MAP2K6: variants seen among roughly 807,000 people sequenced by gnomAD.
MAP2K6 encodes dual specificity mitogen-activated protein kinase kinase 6.
A neutral mutation model predicts 53.7 loss-of-function variants in MAP2K6; 16 were observed. That is an observed-to-expected ratio of 0.30 (90% CI 0.20 to 0.45). MAP2K6 has a LOEUF of 0.45. Among genes scored for constraint, MAP2K6 ranks in the 20% least tolerant of loss-of-function variants. MAP2K6 has a pLI of 1.00. For synonymous variants in MAP2K6, 132 were observed against 143.1 expected (o/e 0.92, Z 0.55); for missense variants, 204 against 411.9 (o/e 0.50, Z 4.37).
Position 69,551,724 on chromosome 17 carries a change from G to T in MAP2K6, c.*9971G>T, listed in dbSNP as rs1912107812. Reference sequence around the variant, plus strand: ...GATTTTCTATATGAACTGAAATGATGTTTTAATAGAATAATAGGTATTTTT... The same window carrying T: ...GATTTTCTATATGAACTGAAATGATTTTTTAATAGAATAATAGGTATTTTT... On this transcript the variant is annotated 3_prime_UTR_variant, in exon 12 of 12. Coordinates refer to ENST00000590474, the MANE Select transcript of MAP2K6 (RefSeq NM_002758.4). 1 of 152,078 alleles carries T rather than the reference G, an allele frequency of 6.6e-6. No homozygotes were observed. Among genetic ancestry groups the T allele is most frequent in the Non-Finnish European group, 1.5e-5 (1 of 68,002 alleles). 9.4% of individuals were successfully genotyped at this position (152,078 alleles called of 1,614,324 possible).
chr17:69,456,939 C>T (rs1341088352), intron 1 of MAP2K6, among the ~76,000 whole-genome samples: 1 of 152,206 alleles, frequency 6.6e-6, no homozygotes, highest in Non-Finnish European at 1.5e-5. Context: ...TGATAAATGC[C>T]AGCTTCTTAG....
intron 9 of MAP2K6, among the ~76,000 whole-genome samples, chr17:69,525,257 C>T (rs1340135243): frequency 2.6e-5 from 4 of 152,128 alleles, no homozygotes; most frequent in African/African-American, 9.7e-5. Context: ...TTCCTATCCT[C>T]CTCTGTAAAA....
At chr17:69,510,659 G>C (rs1468167844) in intron 2 of MAP2K6, among the ~76,000 whole-genome samples, 9 of 151,916 alleles carry the variant, frequency 5.9e-5, no homozygotes, top group Non-Finnish European at 1.3e-4. Context: ...CAGATTATCT[G>C]TTTCATCATG....
chr17:69,495,985 T>C (rs1394282149), intron 1 of MAP2K6, among the ~76,000 whole-genome samples: 1 of 152,060 alleles, frequency 6.6e-6, no homozygotes, highest in East Asian at 1.9e-4. Context: ...GCCTAGAACA[T>C]AACTCAGGGC....
At chr17:69,487,672 C>A (rs967133660) in intron 1 of MAP2K6, among the ~76,000 whole-genome samples, 2 of 152,150 alleles carry the variant, frequency 1.3e-5, no homozygotes, top group African/African-American at 4.8e-5. Flanking sequence ...TTGGTCCTTT[C>A]CCACTAGGTC....
rs1905846102 is a variant in MAP2K6, at chr17:69,414,766, C to G, written c.-219C>G. 1.9e-6 allele frequency: 1 copy of G among 528,536 alleles called. No individual in the cohort carries two copies. Among genetic ancestry groups the G allele is most frequent in the Admixed American group, 3.5e-5 (1 of 28,394 alleles). The allele number at this position is 528,536 out of a possible 1,614,324, so 32.7% of individuals were successfully genotyped here. ...GTAGCTGCAGCACAGCCTTCCCTAA[C>G]GTTGCAACTGGGGGAAAAATCACTT... On this transcript the variant is annotated 5_prime_UTR_variant, in exon 1 of 12. Transcript: ENST00000590474.
chr17:69,536,707 T>C (rs965016184), intron 11 of MAP2K6, among the ~76,000 whole-genome samples: 4 of 152,232 alleles, frequency 2.6e-5, no homozygotes, highest in South Asian at 2.1e-4. Flanking sequence ...TATCACTTGC[T>C]GTGTCTATAA....
chr17:69,459,743 A>G (rs1907551173), intron 1 of MAP2K6, among the ~76,000 whole-genome samples: 3 of 151,538 alleles, frequency 2.0e-5, no homozygotes, highest in South Asian at 4.2e-4. Flanking sequence ...AAAGAGGAAA[A>G]AAAGAAATAC....
chr17:69,418,104 G>A (rs1598250750), intron 1 of MAP2K6, among the ~76,000 whole-genome samples: 1 of 152,242 alleles, frequency 6.6e-6, no homozygotes, highest in South Asian at 2.1e-4. Flanking sequence ...CCTTTGTTAG[G>A]TTGTACCAGA....
chr17:69,506,200 A>T (rs1792633552), intron 2 of MAP2K6, among the ~76,000 whole-genome samples: 1 of 152,188 alleles, frequency 6.6e-6, no homozygotes, highest in South Asian at 2.1e-4. Context: ...ACTACTATAA[A>T]ACTTGGGTTG....
At chr17:69,418,178 A>T (rs1259729325) in intron 1 of MAP2K6, among the ~76,000 whole-genome samples, 1 of 152,194 alleles carries the variant, frequency 6.6e-6, no homozygotes, top group Non-Finnish European at 1.5e-5. Context: ...ACATCTCAGG[A>T]CACAAAATCA....
intron 1 of MAP2K6, among the ~76,000 whole-genome samples, chr17:69,482,512 A>ATT (rs533571443): frequency 1.6e-4 from 24 of 145,674 alleles, no homozygotes; most frequent in African/African-American, 5.8e-4. Context: ...CCATTTGTGT[A>ATT]TTTTTTTTTT....
intron 1 of MAP2K6, among the ~76,000 whole-genome samples, chr17:69,484,021 C>G (rs1260404379): frequency 6.6e-6 from 1 of 151,982 alleles, no homozygotes; most frequent in Non-Finnish European, 1.5e-5. Flanking sequence ...TTGTCATAAC[C>G]TTGGATTTGT....
At chr17:69,481,858 G>A (rs1195428223) in intron 1 of MAP2K6, among the ~76,000 whole-genome samples, 1 of 152,128 alleles carries the variant, frequency 6.6e-6, no homozygotes, top group Non-Finnish European at 1.5e-5. Context: ...CATAAATTTT[G>A]TGGGAATACA....
At position 69,521,806 on chromosome 17, in the gene MAP2K6, C is replaced by CAAAAA. The variant is rs71293537; in HGVS notation, c.535+729_535+733dup. On this transcript the variant is annotated intron_variant, in intron 7 of 11. Transcript: ENST00000590474. The stretch of plus-strand genomic sequence containing the variant: ...CTTATAGGGAAGTAAGATAAATGTA[C>CAAAAA]AAAAAAAAAAAAAAAAAAAAAAAAA... 145 of 79,308 alleles carry CAAAAA rather than the reference C, an allele frequency of 1.8e-3. 3 individuals are homozygous for CAAAAA. The highest frequency in any genetic ancestry group is 6.7e-3 in the African/African-American group (142 of 21,330). The allele number at this position is 79,308 out of a possible 1,614,324, so 4.9% of individuals were successfully genotyped here. A position where few individuals can be genotyped will look rare whatever the true frequency, so the allele number is the denominator to read the frequency against.
intron 1 of MAP2K6, among the ~76,000 whole-genome samples, chr17:69,470,477 C>T (rs534617511): frequency 6.6e-6 from 1 of 152,226 alleles, no homozygotes; most frequent in South Asian, 2.1e-4. Context: ...TGGAATCTTT[C>T]CCAGGACAAG....
chr17:69,539,845 T>C (rs1474339134), intron 11 of MAP2K6, among the ~76,000 whole-genome samples: 1 of 152,126 alleles, frequency 6.6e-6, no homozygotes, highest in Admixed American at 6.5e-5. Context: ...CTAATAAGCA[T>C]GATGGTAGAG....
rs544271256 is a variant in MAP2K6, at chr17:69,470,874, T to C, written c.17-34906T>C. Among the ~76,000 whole-genome samples the C allele has an allele frequency of 8.5e-5, 13 of 152,236 alleles. No homozygotes were observed. In the South Asian group the frequency reaches 2.7e-3, roughly 32 times the overall value. ...CAGAATGCCTTGCCTCTTCTCACTT[T>C]CCCTTTTACCGTCTCCCATCCCCAC... On this transcript the variant is annotated intron_variant, in intron 1 of 11. Transcript: ENST00000590474.
intron 1 of MAP2K6, among the ~76,000 whole-genome samples, chr17:69,436,298 A>G (rs1369305850): frequency 6.6e-6 from 1 of 152,230 alleles, no homozygotes; most frequent in Non-Finnish European, 1.5e-5. Flanking sequence ...GCTAATAGGT[A>G]GGGTTAAATG....
Sources: gnomAD v4.1 joint callset for allele counts (sites outside exome capture counted in the v4.1 genomes callset) on GRCh38, gnomAD v4.1.1 for gene constraint, MANE v1.5 for transcripts, NCBI Gene and HGNC (gene_info 2026-07-23, HGNC 2026-07-21) for gene names.